Variants in LYPLAL1 observed in about 807,000 individuals in gnomAD.
The protein encoded by LYPLAL1 is lysophospholipase-like protein 1.
A neutral mutation model predicts 19.7 loss-of-function variants in LYPLAL1; 23 were observed. The observed-to-expected ratio is 1.17, with a 90% CI of 0.84 to 1.65. The LOEUF (loss-of-function observed/expected upper bound fraction) is 1.65, where lower values mean the gene tolerates loss of function less well. Ranked by LOEUF, LYPLAL1 falls within the 40% of genes most tolerant of loss-of-function variation. LYPLAL1 has a pLI of 0.00. For missense variants in LYPLAL1, 355 were observed against 279.4 expected (o/e 1.27, Z -1.93); for synonymous variants, 119 against 96.3 (o/e 1.24, Z -1.38).
At chr1:219,223,940 CTG>C in the LYPLAL1 span, among the ~76,000 whole-genome samples, 1 of 152,090 alleles carries the variant, frequency 6.6e-6, no homozygotes, top group African/African-American at 2.4e-5. Flanking sequence ...AAAAATCACT[CTG>C]TTTCCATTTT....
At chr1:219,187,733 G>C (rs901329597) in intron 2 of LYPLAL1, among the ~76,000 whole-genome samples, 8 of 151,646 alleles carry the variant, frequency 5.3e-5, no homozygotes, top group African/African-American at 1.7e-4. Context: ...TTTAGGCATA[G>C]TAAACCATGA....
At chr1:219,223,314 T>C in the LYPLAL1 span, 1 of 152,128 alleles carries the variant, frequency 6.6e-6, no homozygotes, top group African/African-American at 2.4e-5. Context: ...AAATAATTTA[T>C]TGCCCAGTAA....
the LYPLAL1 span, among the ~76,000 whole-genome samples, chr1:219,383,844 G>C: frequency 6.6e-6 from 1 of 152,202 alleles, no homozygotes; most frequent in Non-Finnish European, 1.5e-5. Flanking sequence ...AGAATAGATA[G>C]AGGCAGACAG....
chr1:219,280,494 G>A, the LYPLAL1 span, among the ~76,000 whole-genome samples: 1 of 152,032 alleles, frequency 6.6e-6, no homozygotes, highest in African/African-American at 2.4e-5. Context: ...GGTGGGAGAG[G>A]GGAGATGAAG....
the LYPLAL1 span, among the ~76,000 whole-genome samples, chr1:219,381,367 G>A: frequency 7.2e-5 from 11 of 152,268 alleles, no homozygotes; most frequent in East Asian, 1.4e-3. Flanking sequence ...CCAGTCTCAA[G>A]TAGGTCTTTA....
At chr1:219,333,356 C>T in the LYPLAL1 span, among the ~76,000 whole-genome samples, 7 of 152,038 alleles carry the variant, frequency 4.6e-5, no homozygotes, top group African/African-American at 1.7e-4. Context: ...GCTCCTTTAA[C>T]ATCACAGTCT....
At chr1:219,330,473 A>G in the LYPLAL1 span, among the ~76,000 whole-genome samples, 75 of 152,286 alleles carry the variant, frequency 4.9e-4, no homozygotes, top group African/African-American at 1.7e-3. Context: ...GTTTAAATCA[A>G]ATTGTGAGCT....
chr1:219,224,874 A>G, the LYPLAL1 span, among the ~76,000 whole-genome samples: 1 of 151,904 alleles, frequency 6.6e-6, no homozygotes, highest in African/African-American at 2.4e-5. Flanking sequence ...CAGAGTTCTA[A>G]TTTTCTAATT....
chr1:219,263,046 A>G, the LYPLAL1 span, among the ~76,000 whole-genome samples: 1 of 152,112 alleles, frequency 6.6e-6, no homozygotes, highest in Non-Finnish European at 1.5e-5. Context: ...GTTGGACAGG[A>G]TAAGTTTCTC....
the LYPLAL1 span, among the ~76,000 whole-genome samples, chr1:219,251,868 C>A: frequency 6.6e-6 from 1 of 152,016 alleles, no homozygotes; most frequent in South Asian, 2.1e-4. Flanking sequence ...TTGCTTTGGG[C>A]AGTATAGTCA....
rs537505385 is a variant in LYPLAL1 at position 219,179,810 on chromosome 1, T to C, written c.191+564T>C. 6.6e-5 allele frequency among the ~76,000 whole-genome samples: 10 copies of C among 152,350 alleles called. No individual in the cohort carries two copies. In the South Asian group the frequency reaches 2.1e-3, roughly 32 times the overall value. On this transcript the variant is annotated intron_variant, in intron 2 of 4. Transcript: ENST00000366928. ...AAAATTCACAGTAATAAAACTGCTA[T>C]AGTTTTGAGGTCAAACTACTCTTTG...
At chr1:219,341,797 A>G in the LYPLAL1 span, among the ~76,000 whole-genome samples, 1 of 152,132 alleles carries the variant, frequency 6.6e-6, no homozygotes, top group Non-Finnish European at 1.5e-5. Flanking sequence ...TGAAGTTTAC[A>G]TTTATTTTAA....
the LYPLAL1 span, among the ~76,000 whole-genome samples, chr1:219,247,470 C>T: frequency 1.6e-4 from 24 of 152,260 alleles, no homozygotes; most frequent in East Asian, 7.7e-4. Flanking sequence ...TCATTAGGAA[C>T]GCTGGGCACT....
At chr1:219,244,918 A>AC in the LYPLAL1 span, among the ~76,000 whole-genome samples, 1 of 150,660 alleles carries the variant, frequency 6.6e-6, no homozygotes, top group Non-Finnish European at 1.5e-5. Flanking sequence ...CTGCAAAAAA[A>AC]AAAAAAAAAC....
chr1:219,296,266 A>G, the LYPLAL1 span, among the ~76,000 whole-genome samples: 2 of 152,204 alleles, frequency 1.3e-5, no homozygotes, highest in Non-Finnish European at 2.9e-5. Flanking sequence ...GGCCAGGAAG[A>G]TGCCTTTGAT....
At chr1:219,231,946 G>A in the LYPLAL1 span, among the ~76,000 whole-genome samples, 1 of 152,008 alleles carries the variant, frequency 6.6e-6, no homozygotes, top group Admixed American at 6.6e-5. Flanking sequence ...TCAGAAATAG[G>A]GACCATTTTG....
At chr1:219,309,073 G>C in the LYPLAL1 span, among the ~76,000 whole-genome samples, 1 of 152,240 alleles carries the variant, frequency 6.6e-6, no homozygotes, top group African/African-American at 2.4e-5. Context: ...TGCATCAGCT[G>C]ACCTGGATGT....
chr1:219,392,714 C>A, the LYPLAL1 span, among the ~76,000 whole-genome samples: 5 of 152,084 alleles, frequency 3.3e-5, no homozygotes, highest in Non-Finnish European at 7.4e-5. Context: ...CTTATAAAAT[C>A]AAGTTTTAAC....
chr1:219,409,216 AGATGGGCAGATCGCTTGAGC>A, the LYPLAL1 span, among the ~76,000 whole-genome samples: 1 of 152,166 alleles, frequency 6.6e-6, no homozygotes, highest in Non-Finnish European at 1.5e-5. Flanking sequence ...TGGGAGGTGG[AGATGGGCAGATCGCTTGAGC>A]CCAGGGGTTC....
Sources: allele counts gnomAD v4.1 joint callset (sites outside exome capture counted in the v4.1 genomes callset), GRCh38; gene constraint gnomAD v4.1.1; transcripts MANE v1.5; gene names NCBI Gene and HGNC (gene_info 2026-07-23, HGNC 2026-07-21).